MBTPS2: variants seen among roughly 807,000 people sequenced by gnomAD.
The protein encoded by MBTPS2 is membrane-bound transcription factor site-2 protease.
A neutral mutation model predicts 35.4 loss-of-function variants in MBTPS2; 2 were observed. The ratio of observed to expected loss-of-function variants is 0.06; its 90% CI spans 0.02 to 0.18. The LOEUF (loss-of-function observed/expected upper bound fraction) is 0.18. Among genes scored for constraint, MBTPS2 ranks in the 10% least tolerant of loss-of-function variants. MBTPS2 has a pLI of 1.00. For missense variants in MBTPS2, 244 were observed against 386.5 expected (o/e 0.63, Z 3.09); for synonymous variants, 125 against 140.4 (o/e 0.89, Z 0.77).
intron 5 of MBTPS2, among the ~76,000 whole-genome samples, chrX:21,862,967 T>TATATATAA (rs1283198445): frequency 1.0e-4 from 6 of 58,349 alleles, no homozygotes; most frequent in Admixed American, 4.3e-4. Flanking sequence ...TATATATATA[T>TATATATAA]AAAACCGACT....
At chrX:21,855,463 G>T (rs776196076) in intron 5 of MBTPS2, among the ~76,000 whole-genome samples, 7 of 109,848 alleles carry the variant, frequency 6.4e-5, no homozygotes, top group Non-Finnish European at 1.3e-4. Context: ...ATGGAGTCTC[G>T]CTGTGTTGCC....
In MBTPS2 at chrX:21,845,327, CTCTTCT is replaced by C. The variant is rs3834687; in HGVS notation, c.384_389del (p.Ser135_Ser136del). On this transcript the variant is annotated inframe_deletion, in exon 3 of 11. Coordinates refer to ENST00000379484, the MANE Select transcript of MBTPS2 (RefSeq NM_015884.4). ...CCTCTTCCTCCTCTTCTTCCTCTTC[CTCTTCT>C]TCATCTTCTTCCTCTTCCTCGCTTC... 10 of 1,197,583 alleles carry C rather than the reference CTCTTCT, an allele frequency of 8.4e-6. No individual in the cohort carries two copies. In the South Asian group the frequency reaches 1.6e-4, roughly 19 times the overall value.
intron 5 of MBTPS2, chrX:21,856,346 CTCTGCAGCTCGCGCCTTT>C (rs2092922042): frequency 3.1e-5 from 18 of 574,579 alleles, no homozygotes; most frequent in African/African-American, 2.2e-4. Context: ...TCGCGCCTTT[CTCTGCAGCTCGCGCCTTT>C]CTCTGCAGCT....
intron 2 of MBTPS2, 23 bp from the exon 3 acceptor site, chrX:21,845,148 A>G (rs748013480): frequency 5.0e-6 from 6 of 1,210,217 alleles, no homozygotes; most frequent in South Asian, 1.8e-5. Flanking sequence ...GTAAATTAAC[A>G]TGATTTTTTT....
Position 21,884,809 on chromosome X carries a change from G to A in MBTPS2, c.*2154G>A, listed in dbSNP as rs2092962934. The A allele has an allele frequency of 1.5e-6, 1 of 678,456 alleles. No individual in the cohort carries two copies. Among genetic ancestry groups the A allele is most frequent in the African/African-American group, 2.4e-5 (1 of 41,741 alleles). The allele number at this position is 678,456 out of a possible 1,213,427, so 55.9% of individuals were successfully genotyped here. A position where few individuals can be genotyped will look rare whatever the true frequency, so the allele number is the denominator to read the frequency against. ...GTTATTTATGGATTAGAAAAAGCAT[G>A]TTTCTATTTAAGTAAGCTGTAAAAA... On this transcript the variant is annotated 3_prime_UTR_variant, in exon 11 of 11. Transcript: ENST00000379484.
At chrX:21,865,530 C>T (rs1013594712) in intron 5 of MBTPS2, among the ~76,000 whole-genome samples, 4 of 111,860 alleles carry the variant, frequency 3.6e-5, no homozygotes, top group African/African-American at 9.7e-5. Flanking sequence ...TATTGAAAAC[C>T]CTGTTCTTAT....
intron 5 of MBTPS2, among the ~76,000 whole-genome samples, chrX:21,861,363 G>A (rs916800322): frequency 2.7e-5 from 3 of 111,323 alleles, no homozygotes; most frequent in Non-Finnish European, 5.7e-5. Context: ...TTAACTGGAC[G>A]CCTAACATTA....
rs1213679053 is a variant in MBTPS2, at chrX:21,883,362, T to C, written c.*707T>C. 1 of 753,066 alleles carries C rather than the reference T, an allele frequency of 1.3e-6. No individual in the cohort carries two copies. The highest frequency in any genetic ancestry group is 1.6e-6 in the Non-Finnish European group (1 of 639,653). 62.1% of individuals were successfully genotyped at this position (753,066 alleles called of 1,213,427 possible). A position where few individuals can be genotyped will look rare whatever the true frequency, so the allele number is the denominator to read the frequency against. The stretch of plus-strand genomic sequence containing the variant: ...GCCCCCTCATAAAGCAGCACTAGCT[T>C]TGACATCCACGGTGAGCTGCAGGAA... On this transcript the variant is annotated 3_prime_UTR_variant, in exon 11 of 11. Transcript: ENST00000379484.
At position 21,883,008 on chromosome X, in the gene MBTPS2, G is replaced by A. The variant is rs2092960995; in HGVS notation, c.*353G>A. 1 of 832,786 alleles carries A rather than the reference G, an allele frequency of 1.2e-6. No individual in the cohort carries two copies. The allele number at this position is 832,786 out of a possible 1,213,427, so 68.6% of individuals were successfully genotyped here. ...GAACAGAACTGGGTGGAATTAATTG[G>A]GAAAAACTTCTTACAAAAGCATCAT... On this transcript the variant is annotated 3_prime_UTR_variant, in exon 11 of 11. Transcript: ENST00000379484.
At chrX:21,876,500 G>A (rs1242543229) in intron 7 of MBTPS2, among the ~76,000 whole-genome samples, 1 of 109,928 alleles carries the variant, frequency 9.1e-6, no homozygotes, top group Non-Finnish European at 1.9e-5. Context: ...GGGAGGCAGA[G>A]GTTGCAGTGA....
intron 7 of MBTPS2, chrX:21,870,237 A>AG (rs2092945673): frequency 9.1e-6 from 1 of 110,250 alleles, no homozygotes; most frequent in African/African-American, 3.3e-5. Flanking sequence ...AAAAAAAAAA[A>AG]TCAGCATTCA....
intron 5 of MBTPS2, among the ~76,000 whole-genome samples, chrX:21,862,943 T>C (rs1473635539): frequency 4.5e-5 from 2 of 44,175 alleles, no homozygotes; most frequent in African/African-American, 2.3e-4. Flanking sequence ...CATATATATA[T>C]ATATATATAT....
In MBTPS2 at chrX:21,839,700, G is replaced by C. The variant is rs751717793; in HGVS notation, c.-35G>C. The C allele has an allele frequency of 7.1e-5, 82 of 1,161,117 alleles. No individual in the cohort carries two copies. Among genetic ancestry groups the C allele is most frequent in the Non-Finnish European group, 9.1e-5 (79 of 867,803 alleles). ...TGGCGGTGCAGGGAGGAGGACGCCG[G>C]GGCTCGCCTTCCCTCCTCTGCCGCC... On this transcript the variant is annotated 5_prime_UTR_variant, in exon 1 of 11. Coordinates refer to ENST00000379484, the MANE Select transcript of MBTPS2 (RefSeq NM_015884.4).
intron 5 of MBTPS2, among the ~76,000 whole-genome samples, chrX:21,861,177 CAA>C (rs759478268): frequency 2.5e-3 from 279 of 111,846 alleles, no homozygotes; most frequent in African/African-American, 8.8e-3. Context: ...AGAAGACTGG[CAA>C]AGAGTAAAAT....
In MBTPS2 at chrX:21,877,951, A is replaced by T. The variant is rs1051085808; in HGVS notation, c.971-91A>T. On this transcript the variant is annotated intron_variant, in intron 7 of 10. Coordinates refer to ENST00000379484, the MANE Select transcript of MBTPS2 (RefSeq NM_015884.4). ...ACAGTTGCTTCTAAATTCATATGCC[A>T]TTTTACTTATTCTTTTTGTCTTAAA... is the stretch of plus-strand genomic sequence containing the variant. 162 of 590,388 alleles carry T rather than the reference A, an allele frequency of 2.7e-4. 1 individual carries two copies. Among genetic ancestry groups the T allele is most frequent in the Non-Finnish European group, 4.4e-4 (149 of 341,581 alleles). The allele number at this position is 590,388 out of a possible 1,213,427, so 48.7% of individuals were successfully genotyped here.
chrX:21,853,336 ATAGTAT>A, intron 4 of MBTPS2, 34 bp from the exon 5 acceptor site: 7 of 1,008,283 alleles, frequency 6.9e-6, no homozygotes, highest in Non-Finnish European at 9.8e-6. Flanking sequence ...GATAAATATA[ATAGTAT>A]TAGTAAACTC....
chrX:21,880,469 G>A (rs1390658332), intron 9 of MBTPS2, among the ~76,000 whole-genome samples: 1 of 110,249 alleles, frequency 9.1e-6, no homozygotes, highest in African/African-American at 3.3e-5. Flanking sequence ...AAAATGTTTT[G>A]AACAAAAACA....
At chrX:21,862,339 C>A (rs1263485851) in intron 5 of MBTPS2, among the ~76,000 whole-genome samples, 16 of 110,402 alleles carry the variant, frequency 1.4e-4, no homozygotes, top group Non-Finnish European at 3.8e-5. Context: ...TAAATACTTG[C>A]ACCGTGGTCA....
At chrX:21,861,006 G>T (rs2092930753) in intron 5 of MBTPS2, among the ~76,000 whole-genome samples, 1 of 111,584 alleles carries the variant, frequency 9.0e-6, no homozygotes. Flanking sequence ...AAACTGGAAA[G>T]ATAAAATTAT....
Sources: allele counts gnomAD v4.1 joint callset (sites outside exome capture counted in the v4.1 genomes callset), GRCh38; gene constraint gnomAD v4.1.1; transcripts MANE v1.5; gene names NCBI Gene and HGNC (gene_info 2026-07-23, HGNC 2026-07-21).